The following STK40 variants were observed in gnomAD, a reference collection of about 807,000 sequenced individuals.
STK40 encodes the protein serine/threonine-protein kinase 40.
A neutral mutation model predicts 47.9 loss-of-function variants in STK40; 13 were observed. That is an observed-to-expected ratio of 0.27 (90% confidence interval 0.18 to 0.43). The LOEUF is 0.43. Ranked by LOEUF, STK40 falls within the 20% of genes least tolerant of loss-of-function variation. STK40 has a pLI of 1.00. For synonymous variants in STK40, 225 were observed against 243.2 expected (o/e 0.93, Z 0.69); for missense variants, 460 against 595.1 (o/e 0.77, Z 2.36).
rs761366266 is a variant in STK40 at position 36,343,418 on chromosome 1, C to T, written c.1035G>A (p.Leu345=). ...WQSLSSLSGP[L]QVVPDIDDQM... is the part of the protein sequence containing the mutation. The stretch of plus-strand genomic sequence containing the variant: ...GGTCATCAATGTCAGGAACCACTTG[C>T]AAAGGCCCACTCAGAGATGACAGGG... Residue 345 remains leucine, a synonymous_variant, in exon 10 of 11, where the codon TTG becomes TTA. Transcript: ENST00000373132. 1.2e-6 allele frequency: 2 copies of T among 1,613,674 alleles called. No homozygotes were observed. Among genetic ancestry groups the T allele is most frequent in the Non-Finnish European group, 1.7e-6 (2 of 1,179,778 alleles).
At chr1:36,363,752 T>C (rs1006991250) in intron 1 of STK40, among the ~76,000 whole-genome samples, 2 of 149,442 alleles carry the variant, frequency 1.3e-5, no homozygotes, top group Non-Finnish European at 3.0e-5. Flanking sequence ...GAGGCGGAGC[T>C]TGCAGTGAGC....
chr1:36,345,985 A>ATTTT (rs1383008702), intron 7 of STK40, among the ~76,000 whole-genome samples: 12 of 9,812 alleles, frequency 1.2e-3, no homozygotes, highest in Non-Finnish European at 3.6e-3. Flanking sequence ...ATATATATAT[A>ATTTT]TATATATTTT....
chr1:36,354,404 G>A lies in STK40; in HGVS notation c.583C>T (p.His195Tyr). The A allele has an allele frequency of 6.2e-7, 1 of 1,614,068 alleles. No individual in the cohort carries two copies. The highest frequency in any genetic ancestry group is 8.5e-7 in the Non-Finnish European group (1 of 1,179,968). Reference protein sequence around the residue: ...VEALHQKNIVHRDLKLGNMVL... With the variant: ...VEALHQKNIVYRDLKLGNMVL... ...ATGTTCCCCAGCTTCAGGTCTCTGT[G>A]CACGATATTTTTCTGTAAAACAACA... is the stretch of plus-strand genomic sequence containing the variant. Residue 195 changes from histidine (H) to tyrosine (Y), a missense_variant, in exon 6 of 11, where the codon CAC becomes TAC. His to Tyr is a moderately conservative substitution (Grantham distance 83, BLOSUM62 2). Transcript: ENST00000373132.
intron 10 of STK40, 153 bp from the exon 11 acceptor site, chr1:36,342,126 T>C: frequency 5.4e-6 from 4 of 740,130 alleles, no homozygotes; most frequent in Non-Finnish European, 8.9e-6. Context: ...GGGGTGGGAG[T>C]GGCGCTGAGG....
intron 1 of STK40, among the ~76,000 whole-genome samples, chr1:36,364,211 C>T (rs1646881988): frequency 6.6e-6 from 1 of 152,176 alleles, no homozygotes; most frequent in South Asian, 2.1e-4. Flanking sequence ...CTGTCTCCCT[C>T]TGGATAAATT....
Position 36,361,335 on chromosome 1 carries a change from T to C in STK40, c.-3A>G. The C allele has an allele frequency of 6.2e-7, 1 of 1,614,154 alleles. No individual in the cohort carries two copies. Among genetic ancestry groups the C allele is most frequent in the Non-Finnish European group, 8.5e-7 (1 of 1,180,038 alleles). Reference sequence around the variant, plus strand: ...CTGTCTGATGCTCTCCGCTTCATTCTCAGCTCTAGACAAGACAGAAAGACC... The same window carrying C: ...CTGTCTGATGCTCTCCGCTTCATTCCCAGCTCTAGACAAGACAGAAAGACC... On this transcript the variant is annotated 5_prime_UTR_variant, in exon 2 of 11. Coordinates refer to ENST00000373132, the MANE Select transcript of STK40 (RefSeq NM_001282547.2).
In STK40 at chr1:36,377,947, C is replaced by T. The variant is rs141968201; in HGVS notation, c.-9+7776G>A. Among the ~76,000 whole-genome samples, 436 of 152,310 alleles carry T rather than the reference C, an allele frequency of 2.9e-3. 2 individuals carry two copies. The highest frequency in any genetic ancestry group is 9.9e-3 in the African/African-American group (413 of 41,558). ...TATAAAGCCCTGTGTCTCATGACTA[C>T]CTTAAGGGCAAGAATTGTTATGCCC... On this transcript the variant is annotated intron_variant, in intron 1 of 10. Transcript: ENST00000373132.
intron 6 of STK40, among the ~76,000 whole-genome samples, chr1:36,353,693 C>T (rs1646778385): frequency 6.6e-6 from 1 of 152,216 alleles, no homozygotes; most frequent in Non-Finnish European, 1.5e-5. Flanking sequence ...TGTGGGGGCA[C>T]AAAGGCCAAG....
chr1:36,350,507 C>T (rs867970107), intron 6 of STK40, among the ~76,000 whole-genome samples: 17 of 152,328 alleles, frequency 1.1e-4, no homozygotes, highest in Middle Eastern at 6.8e-3. Flanking sequence ...CACTTCCTTG[C>T]TCTGTGAATC....
intron 5 of STK40, among the ~76,000 whole-genome samples, 156 bp from the exon 6 acceptor site, chr1:36,354,572 C>A (rs542970752): frequency 6.6e-6 from 1 of 152,194 alleles, no homozygotes; most frequent in Non-Finnish European, 1.5e-5. Context: ...CAGGACAGTT[C>A]TAAGTTCGCG....
chr1:36,345,991 A>ATATATATATATTTTTTTTTTTTTTT, intron 7 of STK40, among the ~76,000 whole-genome samples: 1 of 26,468 alleles, frequency 3.8e-5, no homozygotes, highest in African/African-American at 1.4e-4. Flanking sequence ...ATATATATAT[A>ATATATATATATTTTTTTTTTTTTTT]TTTTTTTTTT....
intron 1 of STK40, among the ~76,000 whole-genome samples, chr1:36,383,329 C>CA: frequency 6.6e-6 from 1 of 152,374 alleles, no homozygotes; most frequent in Admixed American, 6.5e-5. Flanking sequence ...GCACCCTTTA[C>CA]AACTGGCCTT....
chr1:36,342,318 G>A lies in STK40; in HGVS notation c.1090-345C>T, dbSNP rs569666964. ...CTGAGCCCTGAGGCGGCTAATGCAC[G>A]TCAAGAGGTACGAGCAAGCCCTGGG... On this transcript the variant is annotated intron_variant, in intron 10 of 10. Coordinates refer to ENST00000373132, the MANE Select transcript of STK40 (RefSeq NM_001282547.2). 2.2e-3 allele frequency: 740 copies of A among 330,394 alleles called. 4 individuals are homozygous for A. The highest frequency in any genetic ancestry group is 3.2e-3 in the Non-Finnish European group (549 of 171,342). 20.5% of individuals were successfully genotyped at this position (330,394 alleles called of 1,614,324 possible). A position where few individuals can be genotyped will look rare whatever the true frequency, so the allele number is the denominator to read the frequency against.
intron 1 of STK40, among the ~76,000 whole-genome samples, chr1:36,384,319 G>C (rs1039684652): frequency 6.6e-6 from 1 of 152,132 alleles, no homozygotes; most frequent in Non-Finnish European, 1.5e-5. Flanking sequence ...CATGAGCCAC[G>C]GCGCCCAGCC....
At chr1:36,375,609 C>T (rs1310824888) in intron 1 of STK40, among the ~76,000 whole-genome samples, 2 of 152,208 alleles carry the variant, frequency 1.3e-5, no homozygotes, top group African/African-American at 4.8e-5. Flanking sequence ...TGCTGCGCTT[C>T]TCTTTATACT....
chr1:36,369,279 C>A (rs1029403438), intron 1 of STK40, among the ~76,000 whole-genome samples: 3 of 152,138 alleles, frequency 2.0e-5, no homozygotes, highest in Non-Finnish European at 4.4e-5. Context: ...CCCTGCTCTC[C>A]TCAGGCTGAT....
intron 7 of STK40, among the ~76,000 whole-genome samples, chr1:36,346,646 T>G (rs1570435709): frequency 6.6e-6 from 1 of 152,376 alleles, no homozygotes; most frequent in East Asian, 1.9e-4. Flanking sequence ...AACCCAGGTC[T>G]CTGGTCTCCC....
intron 4 of STK40, 42 bp downstream of exon 4, chr1:36,358,197 A>G (rs1421586999): frequency 6.5e-7 from 1 of 1,533,376 alleles, no homozygotes; most frequent in Admixed American, 1.8e-5. Context: ...CCACAGAGCC[A>G]GCCAGAGGTG....
chr1:36,343,112 G>T, intron 10 of STK40: 1 of 639,818 alleles, frequency 1.6e-6, no homozygotes, highest in East Asian at 2.7e-5. Flanking sequence ...TGGGCCACTT[G>T]GGCACTGGCT....
Sources: allele counts gnomAD v4.1 joint callset (sites outside exome capture counted in the v4.1 genomes callset), GRCh38; gene constraint gnomAD v4.1.1; transcripts MANE v1.5; gene names NCBI Gene and HGNC (gene_info 2026-07-23, HGNC 2026-07-21).